The following CNBD1 variants were observed in gnomAD, a reference collection of about 807,000 sequenced individuals.
CNBD1 encodes cyclic nucleotide binding domain containing 1.
A neutral mutation model predicts 54.4 loss-of-function variants in CNBD1; 71 were observed. The ratio of observed to expected loss-of-function variants is 1.30; its 90% CI spans 1.08 to 1.59. CNBD1 has a LOEUF of 1.59. Among genes scored for constraint, CNBD1 ranks in the 40% most tolerant of loss-of-function variants. The pLI, the probability that CNBD1 is intolerant of heterozygous loss-of-function variation, is 0.00. For missense variants in CNBD1, 659 were observed against 518.0 expected (o/e 1.27, Z -2.64); for synonymous variants, 182 against 170.7 (o/e 1.07, Z -0.51).
At chr8:87,319,337 T>C (rs1809470014) in intron 8 of CNBD1, among the ~76,000 whole-genome samples, 1 of 152,120 alleles carries the variant, frequency 6.6e-6, no homozygotes, top group Admixed American at 6.6e-5. Context: ...ATGAGCCTCA[T>C]ATTCCCATAG....
At chr8:87,164,623 T>C (rs1812923785) in intron 4 of CNBD1, among the ~76,000 whole-genome samples, 1 of 151,754 alleles carries the variant, frequency 6.6e-6, no homozygotes, top group African/African-American at 2.4e-5. Context: ...TGTATTTCTG[T>C]GGTATCAGTC....
intron 2 of CNBD1, among the ~76,000 whole-genome samples, chr8:87,413,965 G>A (rs1208734268): frequency 1.3e-5 from 2 of 151,780 alleles, no homozygotes; most frequent in African/African-American, 4.8e-5. Context: ...TCAGTGTGGC[G>A]ATTCCTCAGG....
chr8:87,361,490 G>T (rs1407449126), intron 10 of CNBD1, among the ~76,000 whole-genome samples: 1 of 151,578 alleles, frequency 6.6e-6, no homozygotes, highest in African/African-American at 2.4e-5. Context: ...AGATGAAAAA[G>T]CAATTTCACT....
chr8:87,336,065 A>ACTATCAGTCTGATAGCCTTCC (rs1809939932), intron 8 of CNBD1, among the ~76,000 whole-genome samples: 1 of 152,110 alleles, frequency 6.6e-6, no homozygotes, highest in African/African-American at 2.4e-5. Context: ...TGAGAGATCC[A>ACTATCAGTCTGATAGCCTTCC]CTATCAGTCT....
At chr8:87,352,034 G>A (rs747096686) in intron 9 of CNBD1, among the ~76,000 whole-genome samples, 20 of 152,046 alleles carry the variant, frequency 1.3e-4, no homozygotes, top group African/African-American at 4.3e-4. Context: ...TATGCTTCAC[G>A]TTCTTATTCA....
intron 10 of CNBD1, among the ~76,000 whole-genome samples, chr8:87,372,074 T>C: frequency 6.6e-6 from 1 of 152,030 alleles, no homozygotes. Context: ...GACATGATTG[T>C]ATATCCAGAA....
At chr8:86,912,279 G>A (rs1674470007) in intron 3 of CNBD1, among the ~76,000 whole-genome samples, 2 of 152,118 alleles carry the variant, frequency 1.3e-5, no homozygotes, top group South Asian at 4.1e-4. Context: ...TATCAATGAG[G>A]GGTACATTTT....
downstream of CNBD1, among the ~76,000 whole-genome samples, chr8:87,385,998 G>C (rs918567071): frequency 5.3e-5 from 8 of 152,104 alleles, no homozygotes; most frequent in African/African-American, 1.4e-4. Context: ...CTGATACCCA[G>C]GCAAACATAG....
At chr8:87,254,097 A>C (rs964100074) in intron 6 of CNBD1, among the ~76,000 whole-genome samples, 5 of 152,208 alleles carry the variant, frequency 3.3e-5, no homozygotes, top group African/African-American at 1.2e-4. Flanking sequence ...AATAGGTCAG[A>C]AATGGAGAAC....
At chr8:87,267,988 A>T (rs1808295776) in intron 6 of CNBD1, among the ~76,000 whole-genome samples, 1 of 152,124 alleles carries the variant, frequency 6.6e-6, no homozygotes, top group South Asian at 2.1e-4. Context: ...GTCTGGCGAT[A>T]CACATGTAGG....
chr8:87,223,694 A>G (rs1186142781), intron 5 of CNBD1, among the ~76,000 whole-genome samples: 1 of 152,046 alleles, frequency 6.6e-6, no homozygotes, highest in African/African-American at 2.4e-5. Context: ...TAATGCCGCA[A>G]TAAACATACG....
chr8:87,240,960 A>G (rs986545153), intron 6 of CNBD1, among the ~76,000 whole-genome samples: 12 of 152,212 alleles, frequency 7.9e-5, no homozygotes, highest in African/African-American at 2.6e-4. Context: ...TTAGCTGGAT[A>G]CTTTTTGTGG....
chr8:87,220,761 A>C (rs915741393), intron 5 of CNBD1, among the ~76,000 whole-genome samples: 1 of 152,032 alleles, frequency 6.6e-6, no homozygotes, highest in African/African-American at 2.4e-5. Flanking sequence ...TGTGGTCCTG[A>C]ATATATACTT....
rs1307162751 is a variant in CNBD1, at chr8:87,279,711, A to T, written c.772-4967A>T. On this transcript the variant is annotated intron_variant, in intron 6 of 10. Coordinates refer to ENST00000518476, the MANE Select transcript of CNBD1 (RefSeq NM_173538.3). ...AAATATGCTTATGTTTTATATCGAG[A>T]TTATATATTTTTATATATATGTATA... Among the ~76,000 whole-genome samples the T allele has an allele frequency of 2.0e-5, 3 of 151,166 alleles. No individual in the cohort carries two copies. The Admixed American group carries it at 2.0e-4, about 10-fold the overall frequency.
chr8:87,383,387 C>T (rs1811125434), downstream of CNBD1, among the ~76,000 whole-genome samples: 1 of 152,046 alleles, frequency 6.6e-6, no homozygotes, highest in Admixed American at 6.6e-5. Flanking sequence ...TCAATACCTA[C>T]CATGTGTCTG....
intron 5 of CNBD1, among the ~76,000 whole-genome samples, chr8:87,225,975 G>A (rs1814478085): frequency 6.6e-6 from 1 of 151,456 alleles, no homozygotes; most frequent in African/African-American, 2.4e-5. Flanking sequence ...TTGGGAGAGT[G>A]TATGTGTCAA....
At chr8:87,388,642 A>C (rs2130966798) in intron 2 of CNBD1, among the ~76,000 whole-genome samples, 1 of 152,328 alleles carries the variant, frequency 6.6e-6, no homozygotes, top group East Asian at 1.9e-4. Flanking sequence ...CCAGGGCCAG[A>C]TGAATTCACA....
chr8:87,412,049 T>A (rs1001677412), intron 2 of CNBD1, among the ~76,000 whole-genome samples: 1 of 152,064 alleles, frequency 6.6e-6, no homozygotes. Context: ...ATACCCTTTT[T>A]TGATAATCAG....
At chr8:87,287,970 A>T (rs559864317) in intron 8 of CNBD1, among the ~76,000 whole-genome samples, 6 of 152,108 alleles carry the variant, frequency 3.9e-5, no homozygotes, top group African/African-American at 1.4e-4. Context: ...TTTTTTTCCT[A>T]ATTAGTTATA....
Sources: gnomAD v4.1 joint callset for allele counts (sites outside exome capture counted in the v4.1 genomes callset) on GRCh38, gnomAD v4.1.1 for gene constraint, MANE v1.5 for transcripts, NCBI Gene and HGNC (gene_info 2026-07-23, HGNC 2026-07-21) for gene names.